Variants in MVB12B observed in about 807,000 individuals in gnomAD.
MVB12B encodes ESCRT-I complex subunit MVB12B.
Under a neutral mutation model 41.6 loss-of-function variants are expected in MVB12B, and 16 were observed. That is an observed-to-expected ratio of 0.38 (90% confidence interval 0.26 to 0.58). MVB12B has a LOEUF of 0.58. Ranked by LOEUF, MVB12B falls within the 20% of genes least tolerant of loss-of-function variation. The pLI is 0.62. For synonymous variants in MVB12B, 133 were observed against 139.7 expected (o/e 0.95, Z 0.34); for missense variants, 274 against 380.2 (o/e 0.72, Z 2.32).
chr9:126,364,391 T>C (rs1830106477), intron 2 of MVB12B, among the ~76,000 whole-genome samples: 1 of 152,158 alleles, frequency 6.6e-6, no homozygotes, highest in African/African-American at 2.4e-5. Flanking sequence ...TCAGGGCCCC[T>C]TTGTTAAAAC....
chr9:126,424,334 A>T lies in MVB12B; in HGVS notation c.757+2386A>T, dbSNP rs75993422. ...GCCTGCTAAGGGTGAGACGTGGCACAGAGTTGCAAGAGACACCAGTGGAGA... is the reference window on the plus strand; with the variant it reads ...GCCTGCTAAGGGTGAGACGTGGCACTGAGTTGCAAGAGACACCAGTGGAGA... On this transcript the variant is annotated intron_variant, in intron 7 of 9. Coordinates refer to ENST00000361171, the MANE Select transcript of MVB12B (RefSeq NM_033446.3). 7.4e-3 allele frequency among the ~76,000 whole-genome samples: 1,125 copies of T among 152,332 alleles called. 13 individuals carry two copies. Among genetic ancestry groups the T allele is most frequent in the East Asian group, 0.045 (235 of 5,182 alleles).
intron 1 of MVB12B, among the ~76,000 whole-genome samples, chr9:126,337,881 T>C (rs562437878): frequency 3.3e-4 from 50 of 152,352 alleles, no homozygotes; most frequent in African/African-American, 1.2e-3. Context: ...CCATCCTTCC[T>C]GGCTTGAGGC....
intron 2 of MVB12B, among the ~76,000 whole-genome samples, chr9:126,345,593 C>T (rs1483235495): frequency 2.0e-5 from 3 of 152,200 alleles, no homozygotes; most frequent in Non-Finnish European, 4.4e-5. Flanking sequence ...CAAGGAGCCA[C>T]TCCCCAGGAG....
In MVB12B at chr9:126,472,260, C is replaced by T. The variant is rs184805293; in HGVS notation, c.758-9109C>T. Among the ~76,000 whole-genome samples, 58 of 151,824 alleles carry T rather than the reference C, an allele frequency of 3.8e-4. No individual in the cohort carries two copies. In the East Asian group the frequency reaches 7.9e-3, roughly 21 times the overall value. On this transcript the variant is annotated intron_variant, in intron 7 of 9. Transcript: ENST00000361171. ...AGAATCAAGGGATGGCTCTGGAGGA[C>T]TGCCTTGGCAGGTAAAATTATAGTT... is the stretch of plus-strand genomic sequence containing the variant.
At chr9:126,406,855 A>C (rs563800490) in intron 6 of MVB12B, among the ~76,000 whole-genome samples, 2 of 152,052 alleles carry the variant, frequency 1.3e-5, no homozygotes, top group South Asian at 4.2e-4. Flanking sequence ...TTAAGTAATC[A>C]GTGACTTGAA....
intron 2 of MVB12B, among the ~76,000 whole-genome samples, chr9:126,375,630 T>C (rs1458651017): frequency 1.3e-5 from 2 of 152,204 alleles, no homozygotes; most frequent in Admixed American, 1.3e-4. Context: ...TTCCCCTTTA[T>C]TGATTTAATC....
At chr9:126,487,871 A>G (rs1833652898) in intron 9 of MVB12B, among the ~76,000 whole-genome samples, 1 of 152,226 alleles carries the variant, frequency 6.6e-6, no homozygotes, top group South Asian at 2.1e-4. Flanking sequence ...AGAACCTTAA[A>G]CAGGGTAGAA....
chr9:126,488,548 A>G (rs543534805), intron 9 of MVB12B, among the ~76,000 whole-genome samples: 1 of 151,886 alleles, frequency 6.6e-6, no homozygotes, highest in Non-Finnish European at 1.5e-5. Flanking sequence ...ATCCCTCTGC[A>G]CCACGTGGGA....
intron 2 of MVB12B, among the ~76,000 whole-genome samples, chr9:126,377,475 T>G (rs1830514104): frequency 6.6e-6 from 1 of 152,164 alleles, no homozygotes. Context: ...GGGGATTCAC[T>G]CAGCTCAATG....
intron 9 of MVB12B, among the ~76,000 whole-genome samples, chr9:126,492,825 CAG>C (rs960584687): frequency 6.6e-6 from 1 of 152,238 alleles, no homozygotes; most frequent in Non-Finnish European, 1.5e-5. Flanking sequence ...GCCTGGGTGA[CAG>C]AGAGAGACCC....
chr9:126,446,035 TG>T (rs1832757909), intron 7 of MVB12B, among the ~76,000 whole-genome samples: 1 of 152,238 alleles, frequency 6.6e-6, no homozygotes, highest in Non-Finnish European at 1.5e-5. Flanking sequence ...CTGACTTTAA[TG>T]GGAATGCTTC....
At position 126,459,323 on chromosome 9, in the gene MVB12B, G is replaced by C. The variant is rs1051099869; in HGVS notation, c.758-22046G>C. On this transcript the variant is annotated intron_variant, in intron 7 of 9. Coordinates refer to ENST00000361171, the MANE Select transcript of MVB12B (RefSeq NM_033446.3). The surrounding 1 kb of genome is among the most constrained non-coding windows in gnomAD (Gnocchi z 4.3). ...CTGAGTCATAAAACAGGCCAATTGTGTTTTTCTTAGGGGACTGTGACCCAT... is the reference window on the plus strand; with the variant it reads ...CTGAGTCATAAAACAGGCCAATTGTCTTTTTCTTAGGGGACTGTGACCCAT... 6.6e-6 allele frequency among the ~76,000 whole-genome samples: 1 copy of C among 152,162 alleles called. No individual in the cohort carries two copies. The highest frequency in any genetic ancestry group is 2.4e-5 in the African/African-American group (1 of 41,448).
chr9:126,422,574 C>T lies in MVB12B; in HGVS notation c.757+626C>T, dbSNP rs375156627. Among the ~76,000 whole-genome samples the T allele has an allele frequency of 8.5e-5, 13 of 152,204 alleles. No individual in the cohort carries two copies. In the South Asian group the frequency reaches 2.3e-3, roughly 27 times the overall value. On this transcript the variant is annotated intron_variant, in intron 7 of 9. Transcript: ENST00000361171. ...GCAGCACAGGTGACTTGCTAAGAGC[C>T]GAGGAAACCCACAAACTCGCCTCCG...
At position 126,386,728 on chromosome 9, in the gene MVB12B, T is replaced by G. The variant is rs1830805825; in HGVS notation, c.409+70T>G. On this transcript the variant is annotated intron_variant, in intron 4 of 9. Transcript: ENST00000361171. The surrounding 1 kb of genome is among the most constrained non-coding windows in gnomAD (Gnocchi z 4.3). ...CCTCCAGGTATATTTGTAGGTGTTT[T>G]TCTATGTGCATTTTTCTTCAGAAAC... is the stretch of plus-strand genomic sequence containing the variant. The G allele has an allele frequency of 3.4e-6, 4 of 1,167,982 alleles. No individual in the cohort carries two copies. The highest frequency in any genetic ancestry group is 1.5e-5 in the African/African-American group (1 of 65,820). The allele number at this position is 1,167,982 out of a possible 1,614,324, so 72.4% of individuals were successfully genotyped here.
At chr9:126,354,552 G>A (rs975912164) in intron 2 of MVB12B, among the ~76,000 whole-genome samples, 1 of 152,214 alleles carries the variant, frequency 6.6e-6, no homozygotes, top group African/African-American at 2.4e-5. Flanking sequence ...AGATACCACT[G>A]TAAGCGAGTG....
intron 6 of MVB12B, among the ~76,000 whole-genome samples, chr9:126,415,323 A>G (rs1029913657): frequency 4.6e-5 from 7 of 152,210 alleles, no homozygotes; most frequent in Non-Finnish European, 8.8e-5. Flanking sequence ...CTTTCTGTCT[A>G]TGGATGCCAG....
chr9:126,419,598 C>G (rs1026050015), intron 6 of MVB12B, among the ~76,000 whole-genome samples: 2 of 152,286 alleles, frequency 1.3e-5, no homozygotes, highest in Middle Eastern at 6.8e-3. Context: ...TAGTTCTGCT[C>G]AACCACAACC....
At position 126,478,296 on chromosome 9, in the gene MVB12B, TGAGA is replaced by T. The variant is rs1339751968; in HGVS notation, c.758-3069_758-3066del. ...AGCAGTGAGCAGGGTCCCCAGGTCC[TGAGA>T]GAGTTAGGCACTTGCCCCAGGCTGG... On this transcript the variant is annotated intron_variant, in intron 7 of 9. Coordinates refer to ENST00000361171, the MANE Select transcript of MVB12B (RefSeq NM_033446.3). The surrounding 1 kb of genome is among the most constrained non-coding windows in gnomAD (Gnocchi z 4.2). 1.3e-5 allele frequency among the ~76,000 whole-genome samples: 2 copies of T among 152,130 alleles called. No homozygotes were observed. The highest frequency in any genetic ancestry group is 2.9e-5 in the Non-Finnish European group (2 of 68,010).
chr9:126,344,484 C>T lies in MVB12B; in HGVS notation c.204+3854C>T, dbSNP rs573964622. ...CTCAAAGGTGCTCACAGTTCTTCAG[C>T]GCCAGCTTTCTCCCCTGCTACCACA... On this transcript the variant is annotated intron_variant, in intron 2 of 9. Transcript: ENST00000361171. Among the ~76,000 whole-genome samples, 12 of 152,352 alleles carry T rather than the reference C, an allele frequency of 7.9e-5. 1 individual carries two copies. The South Asian group carries it at 2.3e-3, about 29-fold the overall frequency.
Sources: gnomAD v4.1 joint callset for allele counts (sites outside exome capture counted in the v4.1 genomes callset) on GRCh38, gnomAD v4.1.1 for gene constraint, Gnocchi (gnomAD v3.1) non-coding constraint, MANE v1.5 for transcripts, NCBI Gene and HGNC (gene_info 2026-07-23, HGNC 2026-07-21) for gene names.